KHDRBS2: variants seen among roughly 807,000 people sequenced by gnomAD.
KHDRBS2 encodes the protein KH RNA binding domain containing, signal transduction associated 2.
Under a neutral mutation model 44.3 loss-of-function variants are expected in KHDRBS2, and 26 were observed. That is an observed-to-expected ratio of 0.59 (90% CI 0.43 to 0.81). The LOEUF is 0.81. Ranked by LOEUF, KHDRBS2 falls within the 40% of genes least tolerant of loss-of-function variation. The pLI, the probability that KHDRBS2 is intolerant of heterozygous loss-of-function variation, is 0.00. For missense variants in KHDRBS2, 476 were observed against 433.1 expected (o/e 1.10, Z -0.88); for synonymous variants, 194 against 151.1 (o/e 1.28, Z -2.08).
At chr6:62,076,019 G>A (rs772024853) in intron 2 of KHDRBS2, among the ~76,000 whole-genome samples, 9 of 151,556 alleles carry the variant, frequency 5.9e-5, no homozygotes, top group East Asian at 1.9e-4. Context: ...GTATGGATGC[G>A]TTTGAATATG....
At chr6:61,597,565 G>A in the KHDRBS2 span, among the ~76,000 whole-genome samples, 2 of 151,072 alleles carry the variant, frequency 1.3e-5, no homozygotes, top group African/African-American at 4.9e-5. Flanking sequence ...CCATTGAATG[G>A]AGAAAGTAGG....
chr6:61,569,413 A>AT, the KHDRBS2 span, among the ~76,000 whole-genome samples: 1 of 152,140 alleles, frequency 6.6e-6, no homozygotes, highest in African/African-American at 2.4e-5. Context: ...GCAAGCTTAG[A>AT]TCCCCCTATT....
chr6:61,856,223 C>T (rs1344929209), intron 6 of KHDRBS2, among the ~76,000 whole-genome samples: 1 of 152,116 alleles, frequency 6.6e-6, no homozygotes, highest in Non-Finnish European at 1.5e-5. Flanking sequence ...TTGTATTACA[C>T]TGTGTCAACA....
At chr6:62,135,833 T>C (rs1355318423) in intron 2 of KHDRBS2, among the ~76,000 whole-genome samples, 2 of 151,976 alleles carry the variant, frequency 1.3e-5, no homozygotes, top group Non-Finnish European at 2.9e-5. Flanking sequence ...AAATACAGCA[T>C]AGTCTTTTTC....
intron 4 of KHDRBS2, among the ~76,000 whole-genome samples, chr6:61,943,127 G>GA (rs1430039321): frequency 3.8e-4 from 41 of 107,196 alleles, no homozygotes; most frequent in South Asian, 2.0e-3. Flanking sequence ...AAAAAGAAAA[G>GA]AAAGAAAGAA....
chr6:61,979,231 AT>A (rs1773353147), intron 3 of KHDRBS2, among the ~76,000 whole-genome samples: 1 of 152,106 alleles, frequency 6.6e-6, no homozygotes, highest in Non-Finnish European at 1.5e-5. Flanking sequence ...TTGCAAGCAG[AT>A]TTGCATTTTT....
At chr6:62,238,074 G>A (rs1404811387) in intron 1 of KHDRBS2, among the ~76,000 whole-genome samples, 1 of 148,954 alleles carries the variant, frequency 6.7e-6, no homozygotes, top group East Asian at 2.0e-4. Flanking sequence ...AAAAAAAATT[G>A]ATATAGTTTC....
chr6:61,754,028 C>T lies in KHDRBS2; in HGVS notation c.811-21264G>A, dbSNP rs1470036637. Among the ~76,000 whole-genome samples the T allele has an allele frequency of 2.0e-5, 3 of 152,058 alleles. No homozygotes were observed. The East Asian group carries it at 5.8e-4, about 29-fold the overall frequency. ...GGAAGAAACAAGGAAGGATTCTCCCCCAGATCCTCCAGAGGGAACAAGTTC... is the reference window on the plus strand; with the variant it reads ...GGAAGAAACAAGGAAGGATTCTCCCTCAGATCCTCCAGAGGGAACAAGTTC... On this transcript the variant is annotated intron_variant, in intron 6 of 8. Coordinates refer to ENST00000281156, the MANE Select transcript of KHDRBS2 (RefSeq NM_152688.4).
chr6:62,124,045 C>CAT (rs1421807334), intron 2 of KHDRBS2, among the ~76,000 whole-genome samples: 1 of 152,156 alleles, frequency 6.6e-6, no homozygotes. Context: ...GCAAAGGTTA[C>CAT]AAGTAACTTC....
At chr6:61,952,532 T>C (rs1206016024) in intron 4 of KHDRBS2, among the ~76,000 whole-genome samples, 1 of 152,096 alleles carries the variant, frequency 6.6e-6, no homozygotes, top group Non-Finnish European at 1.5e-5. Flanking sequence ...AAAGTAATTG[T>C]TGGTTTTTTG....
At chr6:61,953,240 T>C (rs1765138578) in intron 4 of KHDRBS2, among the ~76,000 whole-genome samples, 1 of 152,082 alleles carries the variant, frequency 6.6e-6, no homozygotes, top group African/African-American at 2.4e-5. Flanking sequence ...CTGTTTTAAA[T>C]ATGAAGAAAT....
At chr6:62,261,309 A>G (rs551517313) in intron 1 of KHDRBS2, among the ~76,000 whole-genome samples, 1 of 152,004 alleles carries the variant, frequency 6.6e-6, no homozygotes, top group Non-Finnish European at 1.5e-5. Flanking sequence ...AGCTCCATGG[A>G]ACTACTTAAC....
intron 1 of KHDRBS2, among the ~76,000 whole-genome samples, chr6:62,282,312 G>A (rs1841915292): frequency 6.6e-6 from 1 of 152,102 alleles, no homozygotes; most frequent in African/African-American, 2.4e-5. Flanking sequence ...TTTTACTAAA[G>A]TTTGAAAATA....
chr6:61,866,547 A>G (rs1016253186), intron 6 of KHDRBS2, among the ~76,000 whole-genome samples: 3 of 152,228 alleles, frequency 2.0e-5, no homozygotes, highest in East Asian at 3.9e-4. Flanking sequence ...TTGGTGATTA[A>G]CATTTGGCTC....
At chr6:61,830,777 T>C (rs1791662479) in intron 6 of KHDRBS2, among the ~76,000 whole-genome samples, 1 of 152,196 alleles carries the variant, frequency 6.6e-6, no homozygotes, top group African/African-American at 2.4e-5. Flanking sequence ...GAATACATGC[T>C]TGAGCTTATT....
At chr6:61,883,780 A>C (rs187812546) in intron 6 of KHDRBS2, among the ~76,000 whole-genome samples, 1 of 152,046 alleles carries the variant, frequency 6.6e-6, no homozygotes, top group Non-Finnish European at 1.5e-5. Context: ...AGTTATTTTA[A>C]ATATTAGTTA....
intron 6 of KHDRBS2, among the ~76,000 whole-genome samples, chr6:61,870,509 C>A (rs926133191): frequency 6.6e-6 from 1 of 152,140 alleles, no homozygotes; most frequent in Non-Finnish European, 1.5e-5. Context: ...CTGAAGAGGG[C>A]AGTGGACCTC....
In KHDRBS2 at chr6:62,229,049, G is replaced by A. The variant is rs754833379; in HGVS notation, c.92-51737C>T. Among the ~76,000 whole-genome samples, 22 of 152,120 alleles carry A rather than the reference G, an allele frequency of 1.4e-4. No individual in the cohort carries two copies. The South Asian group carries it at 2.1e-3, about 14-fold the overall frequency. The stretch of plus-strand genomic sequence containing the variant: ...GTCCCTTGGTGGAGGGGTGTGCTTC[G>A]TTTCGGGGGGAAACACAATCATCTG... On this transcript the variant is annotated intron_variant, in intron 1 of 8. Coordinates refer to ENST00000281156, the MANE Select transcript of KHDRBS2 (RefSeq NM_152688.4).
At chr6:61,752,072 A>T (rs1227391224) in intron 6 of KHDRBS2, among the ~76,000 whole-genome samples, 3 of 152,120 alleles carry the variant, frequency 2.0e-5, no homozygotes, top group African/African-American at 7.2e-5. Flanking sequence ...AAACAGTAAC[A>T]TTCTGAGGTA....
Sources: gnomAD v4.1 joint callset for allele counts (sites outside exome capture counted in the v4.1 genomes callset) on GRCh38, gnomAD v4.1.1 for gene constraint, MANE v1.5 for transcripts, NCBI Gene and HGNC (gene_info 2026-07-23, HGNC 2026-07-21) for gene names.